AKAP13: variants seen among roughly 807,000 people sequenced by gnomAD.
AKAP13 encodes the protein A-kinase anchoring protein 13.
In AKAP13, 80 loss-of-function variants were observed where a neutral mutation model predicts 264.5. The observed-to-expected ratio is 0.30, with a 90% confidence interval of 0.25 to 0.36. The LOEUF (loss-of-function observed/expected upper bound fraction) is 0.36. AKAP13 is among the 10% of genes least tolerant of loss of function. The pLI, the probability that AKAP13 is intolerant of heterozygous loss-of-function variation, is 1.00. For synonymous variants in AKAP13, 1,380 were observed against 1,250.2 expected, an observed-to-expected ratio of 1.10 and a Z score of -2.19; for missense variants, 3,712 against 3,435.2, an observed-to-expected ratio of 1.08 and a Z score of -2.01.
chr15:85,415,775 G>C (rs2072215536), intron 1 of AKAP13: 3 of 585,116 alleles, frequency 5.1e-6, no homozygotes, highest in East Asian at 2.8e-5. Context: ...TTTACATACA[G>C]CTATTTCAAA....
chr15:85,506,239 G>A (rs2076217906), intron 2 of AKAP13, among the ~76,000 whole-genome samples: 1 of 152,164 alleles, frequency 6.6e-6, no homozygotes, highest in Non-Finnish European at 1.5e-5. Flanking sequence ...AGCTGAGATT[G>A]TGCCACTGCA....
chr15:85,453,818 G>T (rs960711882), intron 1 of AKAP13, among the ~76,000 whole-genome samples: 1 of 152,046 alleles, frequency 6.6e-6, no homozygotes, highest in African/African-American at 2.4e-5. Context: ...GCTTGGGTGG[G>T]GGTGGCTGGA....
intron 8 of AKAP13, among the ~76,000 whole-genome samples, chr15:85,596,845 T>C (rs2079844091): frequency 1.3e-5 from 2 of 152,322 alleles, no homozygotes; most frequent in East Asian, 1.9e-4. Context: ...CGTGTGTATG[T>C]GTATGTTTCT....
chr15:85,582,250 A>G, intron 7 of AKAP13, 143 bp downstream of exon 7: 1 of 919,994 alleles, frequency 1.1e-6, no homozygotes, highest in South Asian at 2.0e-5. Flanking sequence ...AATAGTCACC[A>G]CCATCAGGAG....
intron 1 of AKAP13, among the ~76,000 whole-genome samples, chr15:85,391,490 T>TC (rs911950818): frequency 1.3e-5 from 2 of 151,146 alleles, no homozygotes; most frequent in African/African-American, 2.4e-5. Context: ...TCTTTTCTTT[T>TC]TTTTTTTTTT....
chr15:85,407,302 AC>A (rs1218857915), intron 1 of AKAP13, among the ~76,000 whole-genome samples: 1 of 145,884 alleles, frequency 6.9e-6, no homozygotes, highest in Non-Finnish European at 1.5e-5. Flanking sequence ...ATCTGGGCTC[AC>A]TGCAACCTCC....
chr15:85,546,335 C>T (rs1033388100), intron 5 of AKAP13, among the ~76,000 whole-genome samples: 4 of 151,168 alleles, frequency 2.6e-5, no homozygotes, highest in East Asian at 3.9e-4. Flanking sequence ...CACACACACA[C>T]ACACACACAC....
intron 1 of AKAP13, among the ~76,000 whole-genome samples, chr15:85,395,329 C>A (rs565522255): frequency 6.6e-6 from 1 of 152,034 alleles, no homozygotes; most frequent in African/African-American, 2.4e-5. Context: ...TTTTTTTCTC[C>A]ATCCCTTTCC....
At chr15:85,667,194 C>T (rs2083652031) in intron 13 of AKAP13, among the ~76,000 whole-genome samples, 1 of 152,156 alleles carries the variant, frequency 6.6e-6, no homozygotes. Flanking sequence ...TACTATGAAG[C>T]ACTAACATGA....
chr15:85,643,497 AAC>A (rs2082406573), intron 9 of AKAP13, among the ~76,000 whole-genome samples: 1 of 152,206 alleles, frequency 6.6e-6, no homozygotes, highest in Non-Finnish European at 1.5e-5. Context: ...TCCCACTTTC[AAC>A]ACACAGAGAC....
chr15:85,424,467 T>C (rs1233288393), intron 1 of AKAP13, among the ~76,000 whole-genome samples: 1 of 152,220 alleles, frequency 6.6e-6, no homozygotes, highest in Non-Finnish European at 1.5e-5. Flanking sequence ...TCAGCCTTCA[T>C]AGAACTGAAG....
Position 85,707,958 on chromosome 15 carries a change from A to G in AKAP13, c.5465-61A>G, listed in dbSNP as rs2086404418. 3 of 1,566,296 alleles carry G rather than the reference A, an allele frequency of 1.9e-6. No individual in the cohort carries two copies. In the African/African-American group the frequency reaches 4.1e-5, roughly 21 times the overall value. On this transcript the variant is annotated intron_variant, in intron 17 of 36. Coordinates refer to ENST00000394518, the MANE Select transcript of AKAP13 (RefSeq NM_007200.5). ...AGAGGCCACTTGTGGCAGCAGTGGA[A>G]ACTCAGAATCTGGGATCTGTTTGCT...
chr15:85,424,311 C>T (rs2072665060), intron 1 of AKAP13, among the ~76,000 whole-genome samples: 1 of 152,210 alleles, frequency 6.6e-6, no homozygotes, highest in Non-Finnish European at 1.5e-5. Flanking sequence ...TCTAGATTGT[C>T]TGGATAACTT....
At chr15:85,741,725 CAAACAAAAA>C (rs1406068870) in intron 35 of AKAP13, among the ~76,000 whole-genome samples, 47 of 80,924 alleles carry the variant, frequency 5.8e-4, no homozygotes, top group African/African-American at 2.2e-3. Flanking sequence ...AACAAACAAA[CAAACAAAAA>C]AAAAAAACAG....
At chr15:85,679,035 T>C (rs892686425) in intron 14 of AKAP13, among the ~76,000 whole-genome samples, 1 of 151,604 alleles carries the variant, frequency 6.6e-6, no homozygotes, top group African/African-American at 2.4e-5. Context: ...GGTCGGGAGT[T>C]CAAGACCAGT....
intron 17 of AKAP13, among the ~76,000 whole-genome samples, chr15:85,703,562 C>G (rs144786455): frequency 3.3e-5 from 5 of 152,204 alleles, no homozygotes; most frequent in African/African-American, 4.8e-5. Context: ...TATTTATTGG[C>G]CAGGTGCCGT....
At chr15:85,508,608 G>A (rs928899554) in intron 2 of AKAP13, among the ~76,000 whole-genome samples, 2 of 151,826 alleles carry the variant, frequency 1.3e-5, no homozygotes, top group East Asian at 3.9e-4. Flanking sequence ...GCTCTGTCCT[G>A]TTCTCCGCAG....
At chr15:85,633,939 T>G (rs914787913) in intron 8 of AKAP13, among the ~76,000 whole-genome samples, 2 of 152,302 alleles carry the variant, frequency 1.3e-5, no homozygotes, top group Middle Eastern at 3.4e-3. Flanking sequence ...ACTTCCTTAT[T>G]GTGTATACCT....
chr15:85,466,445 TGGTAATGCCTA>T (rs1281330534), intron 1 of AKAP13, among the ~76,000 whole-genome samples: 3 of 152,202 alleles, frequency 2.0e-5, no homozygotes, highest in Non-Finnish European at 4.4e-5. Context: ...ATGTCCTGAA[TGGTAATGCCTA>T]GGTTTTCTTC....
Sources: allele counts gnomAD v4.1 joint callset (sites outside exome capture counted in the v4.1 genomes callset), GRCh38; gene constraint gnomAD v4.1.1; transcripts MANE v1.5; gene names NCBI Gene and HGNC (gene_info 2026-07-23, HGNC 2026-07-21).